Variants in PARD3B observed in about 807,000 individuals in gnomAD.
PARD3B encodes the protein par-3 family cell polarity regulator beta.
In PARD3B, 103 loss-of-function variants were observed where a neutral mutation model predicts 130.2. The observed-to-expected ratio is 0.79, with a 90% CI of 0.67 to 0.93. The LOEUF is 0.93. Ranked by LOEUF, PARD3B falls within the 40% of genes least tolerant of loss-of-function variation. The pLI is 0.00. For synonymous variants in PARD3B, 583 were observed against 553.2 expected, an observed-to-expected ratio of 1.05 and a Z score of -0.76; for missense variants, 1,609 against 1,499.2, an observed-to-expected ratio of 1.07 and a Z score of -1.21.
chr2:204,876,160 G>A (rs560416354), intron 2 of PARD3B, among the ~76,000 whole-genome samples: 4 of 152,276 alleles, frequency 2.6e-5, no homozygotes, highest in Admixed American at 6.5e-5. Flanking sequence ...CAATGGAAAC[G>A]GAAGTAAAAA....
Position 205,160,888 on chromosome 2 carries a change from C to T in PARD3B, c.1620+1981C>T, listed in dbSNP as rs2034467490. On this transcript the variant is annotated intron_variant, in intron 11 of 22. Coordinates refer to ENST00000406610, the MANE Select transcript of PARD3B (RefSeq NM_001302769.2). The surrounding 1 kb of genome is among the most constrained non-coding windows in gnomAD (Gnocchi z 4.0). ...AATCCAGGCAGTCTGACTCCAGAAC[C>T]TGCGTTATGCTGCACTGAAATGAAG... 6.6e-6 allele frequency among the ~76,000 whole-genome samples: 1 copy of T among 152,150 alleles called. No homozygotes were observed. Among genetic ancestry groups the T allele is most frequent in the Non-Finnish European group, 1.5e-5 (1 of 68,036 alleles).
chr2:205,315,354 T>C (rs897558769), intron 18 of PARD3B, among the ~76,000 whole-genome samples: 2 of 152,164 alleles, frequency 1.3e-5, no homozygotes, highest in African/African-American at 2.4e-5. Flanking sequence ...TAATAGATGA[T>C]AAATGTCTGG....
chr2:205,174,840 G>C (rs2035375169), intron 12 of PARD3B, among the ~76,000 whole-genome samples: 1 of 152,192 alleles, frequency 6.6e-6, no homozygotes, highest in Non-Finnish European at 1.5e-5. Flanking sequence ...TGAGGACCTT[G>C]TGAAGAATAC....
At chr2:205,524,149 G>T (rs1341985321) in intron 21 of PARD3B, among the ~76,000 whole-genome samples, 1 of 152,068 alleles carries the variant, frequency 6.6e-6, no homozygotes, top group East Asian at 1.9e-4. Context: ...ATATTCCAAT[G>T]TTTTACCTAC....
At chr2:205,161,726 C>A (rs151192838) in intron 11 of PARD3B, among the ~76,000 whole-genome samples, 1 of 152,282 alleles carries the variant, frequency 6.6e-6, no homozygotes, top group East Asian at 1.9e-4. Context: ...ACATCTTTGT[C>A]TCAGCATTTG....
intron 18 of PARD3B, among the ~76,000 whole-genome samples, chr2:205,306,176 G>T (rs1278440589): frequency 2.6e-5 from 4 of 152,178 alleles, no homozygotes; most frequent in African/African-American, 7.2e-5. Context: ...ACTAGAAAGG[G>T]CAAGGAAATG....
intron 10 of PARD3B, among the ~76,000 whole-genome samples, chr2:205,137,191 TAAAGTCAAAAGACTTTA>T (rs368824107): frequency 9.2e-5 from 14 of 152,174 alleles, no homozygotes; most frequent in African/African-American, 2.9e-4. Flanking sequence ...TAAAGTTCTT[TAAAGTCAAAAGACTTTA>T]AAAGTCAAAG....
intron 22 of PARD3B, among the ~76,000 whole-genome samples, chr2:205,573,200 G>T (rs539030112): frequency 1.3e-5 from 2 of 152,294 alleles, no homozygotes; most frequent in East Asian, 3.9e-4. Flanking sequence ...GATGAGATTT[G>T]GGTGGGGACA....
At chr2:204,578,535 T>C (rs2125077333) in intron 1 of PARD3B, among the ~76,000 whole-genome samples, 1 of 152,316 alleles carries the variant, frequency 6.6e-6, no homozygotes, top group East Asian at 1.9e-4. Context: ...CAGCAGGTAA[T>C]GTACTTACTG....
chr2:205,378,969 T>C (rs113536427), intron 18 of PARD3B, among the ~76,000 whole-genome samples: 148 of 151,908 alleles, frequency 9.7e-4, no homozygotes, highest in Non-Finnish European at 1.7e-3. Flanking sequence ...AAGAACCGTC[T>C]GTGGCTACTT....
chr2:205,143,528 C>T (rs1043116437), intron 10 of PARD3B, among the ~76,000 whole-genome samples: 1 of 152,134 alleles, frequency 6.6e-6, no homozygotes, highest in African/African-American at 2.4e-5. Flanking sequence ...TGTAATTACA[C>T]ACTGATTTTA....
Position 205,170,769 on chromosome 2 carries a change from G to T in PARD3B, c.1621-1442G>T, listed in dbSNP as rs1260469346. On this transcript the variant is annotated intron_variant, in intron 11 of 22. Coordinates refer to ENST00000406610, the MANE Select transcript of PARD3B (RefSeq NM_001302769.2). ...TTCTATTGTTCATTGTGTGTGTCTG[G>T]CTATCTCATTTCTTTTTTTTTTCTT... is the stretch of plus-strand genomic sequence containing the variant. Among the ~76,000 whole-genome samples the T allele has an allele frequency of 4.7e-5, 7 of 150,236 alleles. No individual in the cohort carries two copies. The South Asian group carries it at 8.4e-4, about 18-fold the overall frequency.
chr2:205,125,921 G>T lies in PARD3B; in HGVS notation c.1434+184G>T, dbSNP rs1221430415. Among the ~76,000 whole-genome samples the T allele has an allele frequency of 6.6e-6, 1 of 152,084 alleles. No homozygotes were observed. Among genetic ancestry groups the T allele is most frequent in the Non-Finnish European group, 1.5e-5 (1 of 68,034 alleles). ...TTTTAAAACATTGATACAGCCAGTG[G>T]GTATATGTAAACAGTGATTCCGGGG... On this transcript the variant is annotated intron_variant, in intron 10 of 22. Coordinates refer to ENST00000406610, the MANE Select transcript of PARD3B (RefSeq NM_001302769.2). The surrounding 1 kb of genome is among the most constrained non-coding windows in gnomAD (Gnocchi z 4.0).
intron 2 of PARD3B, among the ~76,000 whole-genome samples, chr2:204,864,738 T>C (rs568371184): frequency 4.7e-4 from 71 of 152,330 alleles, no homozygotes; most frequent in African/African-American, 1.6e-3. Flanking sequence ...GAGGACATTG[T>C]CTGATTTTCT....
rs148068400 is a variant in PARD3B at position 205,021,608 on chromosome 2, C to CTG, written c.395-25972_395-25971insGT. The stretch of plus-strand genomic sequence containing the variant: ...TCTCTCTTCTCTTCTCTCTCTCTCT[C>CTG]TCTCTCTCTCTCCCTCTCTCTTTCT... On this transcript the variant is annotated intron_variant, in intron 3 of 22. Coordinates refer to ENST00000406610, the MANE Select transcript of PARD3B (RefSeq NM_001302769.2). This position sits in a 1 kb window ranked among gnomAD's most constrained non-coding sequence, Gnocchi z 4.5. Among the ~76,000 whole-genome samples the CTG allele has an allele frequency of 0.014, 1,953 of 143,376 alleles. 49 individuals are homozygous for CTG. The highest frequency in any genetic ancestry group is 0.047 in the African/African-American group (1,836 of 39,118). The allele number at this position is 143,376 out of a possible 152,430, so 94.1% of individuals were successfully genotyped here.
At chr2:204,716,702 A>G (rs2038746106) in intron 2 of PARD3B, among the ~76,000 whole-genome samples, 1 of 149,360 alleles carries the variant, frequency 6.7e-6, no homozygotes, top group Non-Finnish European at 1.5e-5. Flanking sequence ...GGCTCACTGC[A>G]AGTTCCGCCT....
At chr2:204,935,933 A>C (rs72940461) in intron 2 of PARD3B, among the ~76,000 whole-genome samples, 11,222 of 152,312 alleles carry the variant, frequency 0.074, 502 homozygotes, top group Non-Finnish European at 0.1. Context: ...CCCACCTAAA[A>C]ACAAATTTCC....
intron 1 of PARD3B, 113 bp downstream of exon 1, chr2:204,546,232 CT>C: frequency 7.1e-7 from 1 of 1,413,716 alleles, no homozygotes; most frequent in Non-Finnish European, 9.6e-7. Flanking sequence ...GGGGCACTGC[CT>C]GTAGCTGCAG....
At chr2:205,234,506 G>C (rs1027603348) in intron 15 of PARD3B, among the ~76,000 whole-genome samples, 1 of 152,104 alleles carries the variant, frequency 6.6e-6, no homozygotes, top group Non-Finnish European at 1.5e-5. Context: ...TATTCTAAAT[G>C]CTTATGCACC....
Sources: allele counts gnomAD v4.1 joint callset (sites outside exome capture counted in the v4.1 genomes callset), GRCh38; gene constraint gnomAD v4.1.1; non-coding constraint Gnocchi (gnomAD v3.1); transcripts MANE v1.5; gene names NCBI Gene and HGNC (gene_info 2026-07-23, HGNC 2026-07-21).